The following FMR1 variants were observed in gnomAD, a reference collection of about 807,000 sequenced individuals.
The protein encoded by FMR1 is fragile X messenger ribonucleoprotein 1.
In FMR1, 13 loss-of-function variants were observed where a neutral mutation model predicts 50.6. The observed-to-expected ratio is 0.26, with a 90% CI of 0.17 to 0.41. The LOEUF is 0.41. Ranked by LOEUF, FMR1 falls within the 10% of genes least tolerant of loss-of-function variation. The probability of loss-of-function intolerance (pLI) is 1.00; values close to 1 mark genes in which losing one functional copy is unlikely to be tolerated. For synonymous variants in FMR1, 138 were observed against 164.1 expected, an observed-to-expected ratio of 0.84 and a Z score of 1.22; for missense variants, 316 against 491.3, an observed-to-expected ratio of 0.64 and a Z score of 3.37.
chrX:147,911,972 C>G lies in FMR1; in HGVS notation c.-208C>G, dbSNP rs1176455319. On this transcript the variant is annotated 5_prime_UTR_variant, in exon 1 of 17. Transcript: ENST00000370475. ...TTTCACTTCCGGTGGAGGGCCGCCT[C>G]TGAGCGGGCGGCGGGCCGACGGCGA... The G allele has an allele frequency of 9.5e-6, 1 of 105,570 alleles. No homozygotes were observed. The highest frequency in any genetic ancestry group is 2.0e-5 in the Non-Finnish European group (1 of 50,512). The allele number at this position is 105,570 out of a possible 1,213,427, so 8.7% of individuals were successfully genotyped here.
In FMR1 at chrX:147,950,082, C is replaced by CT. The variant is rs57443689; in HGVS notation, c.*1248dup. 187 of 274,767 alleles carry CT rather than the reference C, an allele frequency of 6.8e-4. No homozygotes were observed. The highest frequency in any genetic ancestry group is 2.6e-3 in the African/African-American group (84 of 32,880). The allele number at this position is 274,767 out of a possible 1,213,427, so 22.6% of individuals were successfully genotyped here. A position where few individuals can be genotyped will look rare whatever the true frequency, so the allele number is the denominator to read the frequency against. On this transcript the variant is annotated 3_prime_UTR_variant, in exon 17 of 17. Transcript: ENST00000370475. ...TGGGGTTTGGTTTTGTTTTTTGAGT[C>CT]TTTTTTTTTTAAGTGAAATTTATTG...
chrX:147,947,412 CA>C (rs369505010), intron 16 of FMR1: 2,049 of 36,008 alleles, frequency 0.057, 78 homozygotes, highest in African/African-American at 0.18. Flanking sequence ...AACACCATCT[CA>C]AAAAAAAAAA....
At chrX:147,946,005 T>C (rs782100174) in intron 16 of FMR1, among the ~76,000 whole-genome samples, 97 of 111,999 alleles carry the variant, frequency 8.7e-4, no homozygotes, top group African/African-American at 3.1e-3. Context: ...GCCTCCTGAG[T>C]AGCTGGAATT....
Position 147,928,262 on chromosome X carries a change from A to C in FMR1, c.199-60A>C. ...AAGAAAATTTCCTCGATATCTGAAA[A>C]TCTGTAGATTTCAAAATTATGTTAA... On this transcript the variant is annotated intron_variant, in intron 3 of 16. Transcript: ENST00000370475. 2.8e-6 allele frequency: 3 copies of C among 1,053,895 alleles called. No individual in the cohort carries two copies. The East Asian group carries it at 9.1e-5, about 32-fold the overall frequency. The allele number at this position is 1,053,895 out of a possible 1,213,427, so 86.9% of individuals were successfully genotyped here.
chrX:147,933,677 G>A, intron 9 of FMR1: 2 of 785,565 alleles, frequency 2.5e-6, no homozygotes, highest in Non-Finnish European at 1.5e-6. Flanking sequence ...ATAAAATTGG[G>A]ACATACTGCC....
At chrX:147,926,576 C>T (rs2043396349) in intron 3 of FMR1, among the ~76,000 whole-genome samples, 1 of 110,634 alleles carries the variant, frequency 9.0e-6, no homozygotes, top group Admixed American at 9.7e-5. Context: ...CAACCTCCGC[C>T]TCCCGGGTTC....
rs147756929 is a variant in FMR1 at position 147,916,482 on chromosome X, G to C, written c.51+4252G>C. Among the ~76,000 whole-genome samples the C allele has an allele frequency of 4.2e-3, 465 of 111,284 alleles. 4 individuals are homozygous for C. Among genetic ancestry groups the C allele is most frequent in the African/African-American group, 0.015 (448 of 30,611 alleles). ...ACTTGCTTTATATATGAAGCCTTGGGTTTGAATCATACTGTTATCACATTT... is the reference window on the plus strand; with the variant it reads ...ACTTGCTTTATATATGAAGCCTTGGCTTTGAATCATACTGTTATCACATTT... On this transcript the variant is annotated intron_variant, in intron 1 of 16. Coordinates refer to ENST00000370475, the MANE Select transcript of FMR1 (RefSeq NM_002024.6).
Position 147,949,635 on chromosome X carries a change from G to C in FMR1, c.*791G>C. 3.1e-6 allele frequency: 1 copy of C among 327,481 alleles called. No individual in the cohort carries two copies. The highest frequency in any genetic ancestry group is 2.6e-5 in the South Asian group (1 of 38,302). The allele number at this position is 327,481 out of a possible 1,213,427, so 27.0% of individuals were successfully genotyped here. A position where few individuals can be genotyped will look rare whatever the true frequency, so the allele number is the denominator to read the frequency against. ...TTTGATAAATAGTGTTATTGAGAGA[G>C]ATGTGTAATTTTTCTGTATAGACAG... On this transcript the variant is annotated 3_prime_UTR_variant, in exon 17 of 17. Coordinates refer to ENST00000370475, the MANE Select transcript of FMR1 (RefSeq NM_002024.6).
chrX:147,942,310 T>G (rs1557181084), intron 13 of FMR1, among the ~76,000 whole-genome samples: 1 of 112,180 alleles, frequency 8.9e-6, no homozygotes, highest in African/African-American at 3.2e-5. Flanking sequence ...AAATGAGATG[T>G]TTATGAGTGG....
intron 2 of FMR1, chrX:147,924,863 A>G (rs1473589426): frequency 2.7e-5 from 3 of 109,652 alleles, no homozygotes; most frequent in African/African-American, 1.0e-4. Flanking sequence ...GGTATCTTTC[A>G]GAGTTGTTTA....
At chrX:147,912,626 C>A (rs1432188205) in intron 1 of FMR1, 1 of 302,868 alleles carries the variant, frequency 3.3e-6, no homozygotes, top group Non-Finnish European at 5.8e-6. Context: ...CCGGGCCTGT[C>A]GTGTGGGTAG....
In FMR1 at chrX:147,912,430, G is replaced by T. The variant is rs782016669; in HGVS notation, c.51+200G>T. Reference sequence around the variant, plus strand: ...CCCTCTCCGACTCCGAGAGGCCCTAGCGCCTATCGAAATGAGAGACCAGCG... The same window carrying T: ...CCCTCTCCGACTCCGAGAGGCCCTATCGCCTATCGAAATGAGAGACCAGCG... On this transcript the variant is annotated intron_variant, in intron 1 of 16. Coordinates refer to ENST00000370475, the MANE Select transcript of FMR1 (RefSeq NM_002024.6). Among the ~76,000 whole-genome samples, 6 of 111,461 alleles carry T rather than the reference G, an allele frequency of 5.4e-5. No individual in the cohort carries two copies. In the East Asian group the frequency reaches 1.7e-3, roughly 32 times the overall value.
intron 7 of FMR1, 48 bp downstream of exon 7, chrX:147,930,292 T>C: frequency 2.7e-6 from 2 of 741,723 alleles, no homozygotes; most frequent in Non-Finnish European, 4.3e-6. Context: ...TAGGAACGAT[T>C]AACTGTATCA....
chrX:147,915,332 A>G (rs938131436), intron 1 of FMR1, among the ~76,000 whole-genome samples: 1 of 111,964 alleles, frequency 8.9e-6, no homozygotes, highest in Non-Finnish European at 1.9e-5. Flanking sequence ...AAACTTGCAT[A>G]AGGTTTATAA....
In FMR1 at chrX:147,933,002, T is replaced by C. The variant is rs112787441; in HGVS notation, c.880+239T>C. ...TGCTGGTGCGCTGCACCCACTAACT[T>C]GTCATCTAGCATTAGGTATATCTCC... On this transcript the variant is annotated intron_variant, in intron 9 of 16. Coordinates refer to ENST00000370475, the MANE Select transcript of FMR1 (RefSeq NM_002024.6). Among the ~76,000 whole-genome samples the C allele has an allele frequency of 0.095, 10,200 of 107,202 alleles. 464 individuals are homozygous for C. The highest frequency in any genetic ancestry group is 0.15 in the African/African-American group (4,350 of 29,409). The allele number at this position is 107,202 out of a possible 115,157, so 93.1% of individuals were successfully genotyped here.
intron 16 of FMR1, 138 bp downstream of exon 16, chrX:147,945,754 C>A: frequency 2.0e-6 from 1 of 502,070 alleles, no homozygotes. Flanking sequence ...TTCAACATTA[C>A]AATTGTAGTC....
chrX:147,945,737 T>C (rs1482265583), intron 16 of FMR1, 121 bp downstream of exon 16: 3 of 550,817 alleles, frequency 5.4e-6, no homozygotes, highest in African/African-American at 4.6e-5. Context: ...ATGTGAAATA[T>C]TTTACCTTCA....
At chrX:147,947,279 G>A (rs1324095827) in intron 16 of FMR1, 2 of 108,349 alleles carry the variant, frequency 1.8e-5, no homozygotes, top group East Asian at 2.9e-4. Context: ...AGACGTGTTG[G>A]CGGGCACCTG....
intron 1 of FMR1, among the ~76,000 whole-genome samples, chrX:147,918,168 G>C (rs1487586000): frequency 6.3e-5 from 7 of 111,002 alleles, no homozygotes; most frequent in Non-Finnish European, 1.3e-4. Context: ...GGGTGGGTGA[G>C]TGGTGGATAA....
Sources: allele counts gnomAD v4.1 joint callset (sites outside exome capture counted in the v4.1 genomes callset), GRCh38; gene constraint gnomAD v4.1.1; transcripts MANE v1.5; gene names NCBI Gene and HGNC (gene_info 2026-07-23, HGNC 2026-07-21).